NBEAL2: variants seen among roughly 807,000 people sequenced by gnomAD.
The protein encoded by NBEAL2 is neurobeachin-like protein 2.
Under a neutral mutation model 299.8 loss-of-function variants are expected in NBEAL2, and 160 were observed. The observed-to-expected ratio is 0.53, with a 90% CI of 0.47 to 0.61. The LOEUF (loss-of-function observed/expected upper bound fraction) is 0.61, where lower values mean the gene tolerates loss of function less well. NBEAL2 is among the 20% of genes least tolerant of loss of function. The pLI is 0.00. For synonymous variants in NBEAL2, 1,493 were observed against 1,542.3 expected (o/e 0.97, Z 0.75); for missense variants, 3,112 against 3,649.0 (o/e 0.85, Z 3.79).
Position 47,001,003 on chromosome 3 carries a change from A to C in NBEAL2, c.4308A>C (p.Gln1436His), listed in dbSNP as rs1261957481. 5 of 1,605,338 alleles carry C rather than the reference A, an allele frequency of 3.1e-6. No homozygotes were observed. Among genetic ancestry groups the C allele is most frequent in the Non-Finnish European group, 3.4e-6 (4 of 1,176,330 alleles). ...DDTSNTSNPQ[Q>H]TSEEELCNLL... is the part of the protein sequence containing the mutation. ...ACACCACCCACCTGTGCCCACAGCA[A>C]ACCTCTGAGGAAGAGTTGTGCAATC... Residue 1436 changes from glutamine to histidine, a missense_variant and splice_region_variant, in exon 28 of 54, where the codon CAA (glutamine) becomes CAC (histidine). Gln to His is a conservative substitution (Grantham distance 24, BLOSUM62 0). Transcript: ENST00000450053. The surrounding 1 kb of genome is among the most constrained non-coding windows in gnomAD (Gnocchi z 6.1).
At chr3:47,006,518 C>T (rs1438452604) in intron 45 of NBEAL2, 69 bp downstream of exon 45, 3 of 1,377,508 alleles carry the variant, frequency 2.2e-6, no homozygotes, top group Non-Finnish European at 2.0e-6. Flanking sequence ...CCTTACCAAC[C>T]ACGTGGGGCA....
chr3:46,997,040 T>C lies in NBEAL2; in HGVS notation c.2643T>C (p.Asp881=), dbSNP rs1393639544. 2 of 1,612,112 alleles carry C rather than the reference T, an allele frequency of 1.2e-6. No homozygotes were observed. Among genetic ancestry groups the C allele is most frequent in the African/African-American group, 1.3e-5 (1 of 74,912 alleles). ...RLTGHRVETW[D]VKDVVNCVGG... is the part of the protein sequence containing the mutation. ...CGGGCCACAGAGTGGAGACCTGGGA[T>C]GTGAAGGTCTGTGAGCACGTGTGGG... Residue 881 remains aspartate (D), a synonymous_variant, in exon 18 of 54, where the codon GAT becomes GAC. Transcript: ENST00000450053.
At chr3:46,984,903 C>T (rs1334202280) in intron 1 of NBEAL2, among the ~76,000 whole-genome samples, 1 of 152,140 alleles carries the variant, frequency 6.6e-6, no homozygotes, top group African/African-American at 2.4e-5. Flanking sequence ...TTACCCTGAC[C>T]TCGAGTTGGG....
rs766807736 is a variant in NBEAL2, at chr3:46,989,249, C to A, written c.352-11C>A. On this transcript the variant is annotated splice_polypyrimidine_tract_variant and intron_variant, in intron 4 of 53. Transcript: ENST00000450053. This position sits in a 1 kb window ranked among gnomAD's most constrained non-coding sequence, Gnocchi z 5.5. ...CATGGCGGGGCTAACCCTCTCTCCC[C>A]ACACCTACAGCTGAAAGGATGCCCA... 5.0e-6 allele frequency: 8 copies of A among 1,612,176 alleles called. No homozygotes were observed. Among genetic ancestry groups the A allele is most frequent in the Middle Eastern group, 1.7e-4 (1 of 6,054 alleles).
rs1277430340 is a variant in NBEAL2 at position 46,982,431 on chromosome 3, C to A, written c.51+2519C>A. Among the ~76,000 whole-genome samples, 2 of 152,198 alleles carry A rather than the reference C, an allele frequency of 1.3e-5. No homozygotes were observed. The highest frequency in any genetic ancestry group is 1.3e-4 in the Admixed American group (2 of 15,300). ...CTTCCTTAAAGACCCCAGGTTTAGA[C>A]CCACCCACCCCCTCCCCCTGGGGGC... On this transcript the variant is annotated intron_variant, in intron 1 of 53. Transcript: ENST00000450053. The surrounding 1 kb of genome is among the most constrained non-coding windows in gnomAD (Gnocchi z 4.2).
Position 46,979,685 on chromosome 3 carries a change from C to T in NBEAL2, c.-177C>T. ...GCCGGCAGTGAGGAGGAGGAGCGAGCAGACTTGGGTGGCTCTGCGCCGCGG... is the reference window on the plus strand; with the variant it reads ...GCCGGCAGTGAGGAGGAGGAGCGAGTAGACTTGGGTGGCTCTGCGCCGCGG... On this transcript the variant is annotated 5_prime_UTR_variant, in exon 1 of 54. Coordinates refer to ENST00000450053, the MANE Select transcript of NBEAL2 (RefSeq NM_015175.3). The T allele has an allele frequency of 3.2e-6, 1 of 315,390 alleles. No homozygotes were observed. The highest frequency in any genetic ancestry group is 5.8e-6 in the Non-Finnish European group (1 of 172,446). The allele number at this position is 315,390 out of a possible 1,614,324, so 19.5% of individuals were successfully genotyped here. A position where few individuals can be genotyped will look rare whatever the true frequency, so the allele number is the denominator to read the frequency against.
chr3:46,998,027 C>G (rs776703171), intron 20 of NBEAL2, 40 bp from the exon 21 acceptor site: 28 of 1,528,568 alleles, frequency 1.8e-5, no homozygotes, highest in Non-Finnish European at 2.5e-5. Context: ...AGCAGACAGG[C>G]AGAGCCTGAG....
chr3:47,002,596 G>C (rs187067493), intron 32 of NBEAL2, 49 bp from the exon 33 acceptor site: 1 of 1,606,740 alleles, frequency 6.2e-7, no homozygotes, highest in East Asian at 2.2e-5. Flanking sequence ...GTGGAGAAAC[G>C]GGTAGGGCAG....
chr3:46,992,021 C>T, intron 9 of NBEAL2, 75 bp downstream of exon 9: 1 of 1,294,048 alleles, frequency 7.7e-7, no homozygotes, highest in South Asian at 1.3e-5. Context: ...TGCCAGGCTG[C>T]TGCTGAGCAA....
Position 46,991,281 on chromosome 3 carries a change from T to G in NBEAL2, c.619T>G (p.Cys207Gly). Residue 207 changes from cysteine to glycine, a missense_variant, in exon 7 of 54, where the codon TGC (cysteine) becomes GGC (glycine). Around this residue, in one of 3 missense-constraint regions of NBEAL2, gnomAD observed 2,243 missense variants for 2,538.1 expected, o/e 0.88. Coordinates refer to ENST00000450053, the MANE Select transcript of NBEAL2 (RefSeq NM_015175.3). This position sits in a 1 kb window ranked among gnomAD's most constrained non-coding sequence, Gnocchi z 6.2. The stretch of plus-strand genomic sequence containing the variant: ...GCTGTTACGTCTCATCCACCTCTTC[T>G]GCGCCGTCCTCGCTGGAGGAAAGGT... ...ILLLRLIHLFCAVLAGGKENG... is the reference protein window; with the variant it reads ...ILLLRLIHLFGAVLAGGKENG... 6.2e-7 allele frequency: 1 copy of G among 1,605,794 alleles called. No homozygotes were observed. The highest frequency in any genetic ancestry group is 8.5e-7 in the Non-Finnish European group (1 of 1,176,052).
chr3:46,986,697 C>T (rs1374764546), intron 1 of NBEAL2, among the ~76,000 whole-genome samples: 1 of 152,088 alleles, frequency 6.6e-6, no homozygotes, highest in East Asian at 1.9e-4. Context: ...AGGCAAGGAT[C>T]GGGGCCCGCA....
Position 46,996,057 on chromosome 3 carries a change from C to T in NBEAL2, c.2151+6C>T. 6.3e-7 allele frequency: 1 copy of T among 1,598,496 alleles called. No homozygotes were observed. Among genetic ancestry groups the T allele is most frequent in the African/African-American group, 1.3e-5 (1 of 74,634 alleles). ...GCTGCCCCTCCCTCAGTGAGGTGTG[C>T]CAAGCAAGGTTTGGGGAGGCCTTGG... On this transcript the variant is annotated splice_donor_region_variant and intron_variant, in intron 15 of 53. Transcript: ENST00000450053.
rs1210304331 is a variant in NBEAL2, at chr3:46,996,008, A to G, written c.2108A>G (p.His703Arg). The change falls in exon 15 of 54, where the codon CAT becomes CGT. Residue 703 changes from histidine to arginine, a missense_variant. Around this residue, in one of 3 missense-constraint regions of NBEAL2, gnomAD observed 2,243 missense variants for 2,538.1 expected, o/e 0.88. Transcript: ENST00000450053. ...QNLVHVYKDG[H>R]LVKTAPLRCP... ...CTGGTCCATGTCTACAAAGACGGCC[A>G]TCTGGTCAAGACAGCACCCCTTCGC... The G allele has an allele frequency of 2.5e-6, 4 of 1,612,366 alleles. No individual in the cohort carries two copies. The highest frequency in any genetic ancestry group is 1.7e-5 in the Admixed American group (1 of 59,892).
intron 44 of NBEAL2, 31 bp downstream of exon 44, chr3:47,006,293 G>T: frequency 6.2e-7 from 1 of 1,608,326 alleles, no homozygotes; most frequent in Middle Eastern, 1.7e-4. Context: ...AGTGGCCAGG[G>T]ATGCCCATGC....
chr3:47,001,539 TG>T lies in NBEAL2; in HGVS notation c.4644+104del. 1 of 1,551,812 alleles carries T rather than the reference TG, an allele frequency of 6.4e-7. No homozygotes were observed. On this transcript the variant is annotated intron_variant, in intron 29 of 53. Transcript: ENST00000450053. This position sits in a 1 kb window ranked among gnomAD's most constrained non-coding sequence, Gnocchi z 6.1. ...GTGGATGGGTACACGTGCGCAGGTG[TG>T]GGTGCATCAGCATGAATGCCTGTGA...
In NBEAL2 at chr3:46,999,614, C is replaced by T; in HGVS notation, c.3704-16C>T. 1 of 1,607,078 alleles carries T rather than the reference C, an allele frequency of 6.2e-7. No homozygotes were observed. Among genetic ancestry groups the T allele is most frequent in the Non-Finnish European group, 8.5e-7 (1 of 1,174,798 alleles). ...GTCTGGTCAGTCCCTCAGGTCCCCC[C>T]AACCCATCCCCCCAGATTGCCTGAA... is the stretch of plus-strand genomic sequence containing the variant. On this transcript the variant is annotated splice_polypyrimidine_tract_variant and intron_variant, in intron 25 of 53. Transcript: ENST00000450053.
In NBEAL2 at chr3:46,996,557, T is replaced by C; in HGVS notation, c.2438T>C (p.Leu813Pro). ...GCTGTGGCCATCTTTCACGAAGCCC[T>C]GCAGGCGACGGCTCTGAGGACCCTG... is the stretch of plus-strand genomic sequence containing the variant. ...LGAVAIFHEA[L>P]QATALRTLCT... is the part of the protein sequence containing the mutation. Residue 813 changes from leucine (L) to proline (P), a missense_variant, in exon 16 of 54, where the codon CTG becomes CCG. Physicochemically the swap from Leu to Pro is moderately conservative, Grantham distance 98. Transcript: ENST00000450053. The C allele has an allele frequency of 6.5e-7, 1 of 1,541,320 alleles. No homozygotes were observed. Among genetic ancestry groups the C allele is most frequent in the Admixed American group, 1.9e-5 (1 of 51,948 alleles).
chr3:47,000,967 A>AACCCACGCCCACACC lies in NBEAL2; in HGVS notation c.4306-27_4306-13dup, dbSNP rs1208961562. 9.6e-6 allele frequency: 15 copies of AACCCACGCCCACACC among 1,563,448 alleles called. No homozygotes were observed. Among genetic ancestry groups the AACCCACGCCCACACC allele is most frequent in the Non-Finnish European group, 1.2e-5 (14 of 1,154,006 alleles). Reference sequence around the variant, plus strand: ...CTGATTCCCTCCCTTAGCCGCCCACAACCCACGCCCACACCACCCACCTGT... The same window carrying AACCCACGCCCACACC: ...CTGATTCCCTCCCTTAGCCGCCCACAACCCACGCCCACACCACCCACGCCCACACCACCCACCTGT... On this transcript the variant is annotated intron_variant, in intron 27 of 53. Transcript: ENST00000450053. This position sits in a 1 kb window ranked among gnomAD's most constrained non-coding sequence, Gnocchi z 4.5.
rs1021006315 is a variant in NBEAL2 at position 46,979,743 on chromosome 3, G to A, written c.-119G>A. The A allele has an allele frequency of 5.3e-5, 17 of 322,130 alleles. No individual in the cohort carries two copies. In the East Asian group the frequency reaches 7.8e-4, roughly 15 times the overall value. 20.0% of individuals were successfully genotyped at this position (322,130 alleles called of 1,614,324 possible). The stretch of plus-strand genomic sequence containing the variant: ...AGCCGCAGACTTCCCCAGTAGTACC[G>A]CGCCGCTCCGCCCCGGAGTGACGCC... On this transcript the variant is annotated 5_prime_UTR_variant, in exon 1 of 54. Coordinates refer to ENST00000450053, the MANE Select transcript of NBEAL2 (RefSeq NM_015175.3).
Sources: allele counts gnomAD v4.1 joint callset (sites outside exome capture counted in the v4.1 genomes callset), GRCh38; gene constraint gnomAD v4.1.1; regional missense constraint gnomAD v4.1.1; non-coding constraint Gnocchi (gnomAD v3.1); transcripts MANE v1.5; gene names NCBI Gene and HGNC (gene_info 2026-07-23, HGNC 2026-07-21).